The following FAM3C variants were observed in gnomAD, a reference collection of about 807,000 sequenced individuals.
FAM3C encodes the protein FAM3 metabolism regulating signaling molecule C.
In FAM3C, 15 loss-of-function variants were observed where a neutral mutation model predicts 32.5. That is an observed-to-expected ratio of 0.46 (90% confidence interval 0.31 to 0.71). The LOEUF (loss-of-function observed/expected upper bound fraction) is 0.71. FAM3C is among the 30% of genes least tolerant of loss of function. The probability of loss-of-function intolerance (pLI) is 0.05; values close to 1 mark genes in which losing one functional copy is unlikely to be tolerated. For synonymous variants in FAM3C, 75 were observed against 86.1 expected (o/e 0.87, Z 0.72); for missense variants, 175 against 274.4 (o/e 0.64, Z 2.56).
intron 1 of FAM3C, among the ~76,000 whole-genome samples, chr7:121,391,623 T>A (rs1411508795): frequency 3.9e-5 from 6 of 152,160 alleles, no homozygotes. Flanking sequence ...TTTGAAGTAG[T>A]CTGCAGAATT....
chr7:121,390,593 A>G (rs922540178), intron 1 of FAM3C, among the ~76,000 whole-genome samples: 31 of 152,138 alleles, frequency 2.0e-4, no homozygotes, highest in Non-Finnish European at 4.0e-4. Context: ...GTGGCGTCAT[A>G]GATTCAATGA....
intron 7 of FAM3C, among the ~76,000 whole-genome samples, chr7:121,361,378 C>T (rs1212253746): frequency 6.6e-6 from 1 of 152,190 alleles, no homozygotes; most frequent in Non-Finnish European, 1.5e-5. Flanking sequence ...AACAAGGCAG[C>T]TAACAAACTA....
chr7:121,366,273 A>C (rs1416892710), intron 5 of FAM3C, among the ~76,000 whole-genome samples: 1 of 152,208 alleles, frequency 6.6e-6, no homozygotes, highest in Non-Finnish European at 1.5e-5. Context: ...TATAGTTAAA[A>C]AGTGGAAACA....
At chr7:121,378,454 G>T (rs1484704269) in intron 3 of FAM3C, among the ~76,000 whole-genome samples, 1 of 152,050 alleles carries the variant, frequency 6.6e-6, no homozygotes, top group African/African-American at 2.4e-5. Flanking sequence ...TGAGTAGCTG[G>T]AATTACAGGT....
chr7:121,376,050 G>C (rs918110811), intron 3 of FAM3C, among the ~76,000 whole-genome samples: 1 of 152,174 alleles, frequency 6.6e-6, no homozygotes, highest in African/African-American at 2.4e-5. Flanking sequence ...AGTCCTCTAT[G>C]CCTTCAATAT....
At chr7:121,350,752 A>G (rs2116859356) in intron 9 of FAM3C, among the ~76,000 whole-genome samples, 1 of 152,340 alleles carries the variant, frequency 6.6e-6, no homozygotes. Context: ...GAAAGAATAC[A>G]TTGCACGTGC....
At chr7:121,363,706 A>G (rs1430575606) in intron 6 of FAM3C, among the ~76,000 whole-genome samples, 2 of 152,194 alleles carry the variant, frequency 1.3e-5, no homozygotes, top group African/African-American at 4.8e-5. Flanking sequence ...ACTTATTCAT[A>G]CTAATTAAGC....
rs188090313 is a variant in FAM3C, at chr7:121,372,919, A to T, written c.119-780T>A. On this transcript the variant is annotated intron_variant, in intron 3 of 9. Transcript: ENST00000359943. ...ATAATTGTGAACTTCCTGTAGGTCCAATACTCCAACTAGTAAGCTGAAAGT... is the reference window on the plus strand; with the variant it reads ...ATAATTGTGAACTTCCTGTAGGTCCTATACTCCAACTAGTAAGCTGAAAGT... Among the ~76,000 whole-genome samples, 207 of 152,348 alleles carry T rather than the reference A, an allele frequency of 1.4e-3. 1 individual carries two copies. The Middle Eastern group carries it at 0.014, about 10-fold the overall frequency.
intron 3 of FAM3C, among the ~76,000 whole-genome samples, chr7:121,373,817 TCGAGAC>T (rs1457948522): frequency 6.6e-6 from 1 of 151,032 alleles, no homozygotes; most frequent in Admixed American, 6.6e-5. Flanking sequence ...GGTCAGGAGA[TCGAGAC>T]CATCCTGGCT....
chr7:121,353,083 C>G (rs569277443), intron 8 of FAM3C, among the ~76,000 whole-genome samples: 26 of 152,246 alleles, frequency 1.7e-4, no homozygotes, highest in Non-Finnish European at 3.7e-4. Flanking sequence ...CCTCACAGGC[C>G]TTTAGGGTGG....
chr7:121,383,919 C>A (rs1794412158), intron 1 of FAM3C, among the ~76,000 whole-genome samples: 2 of 152,054 alleles, frequency 1.3e-5, no homozygotes. Flanking sequence ...CAGTACATAT[C>A]TATTTTAGAT....
At position 121,363,909 on chromosome 7, in the gene FAM3C, T is replaced by C. The variant is rs543486059; in HGVS notation, c.331+221A>G. Reference sequence around the variant, plus strand: ...GACTGCTTGGTTTCTGACAATCTCATGGAAGCTCTTGCATAGCAAGTTAGG... The same window carrying C: ...GACTGCTTGGTTTCTGACAATCTCACGGAAGCTCTTGCATAGCAAGTTAGG... On this transcript the variant is annotated intron_variant, in intron 6 of 9. Transcript: ENST00000359943. Among the ~76,000 whole-genome samples, 20 of 152,278 alleles carry C rather than the reference T, an allele frequency of 1.3e-4. No individual in the cohort carries two copies. In the South Asian group the frequency reaches 4.1e-3, roughly 32 times the overall value.
At chr7:121,369,878 C>CT (rs1453003492) in intron 5 of FAM3C, among the ~76,000 whole-genome samples, 1 of 152,084 alleles carries the variant, frequency 6.6e-6, no homozygotes, top group South Asian at 2.1e-4. Flanking sequence ...AACAGTTGAG[C>CT]TTTTTTTCTG....
intron 8 of FAM3C, among the ~76,000 whole-genome samples, chr7:121,352,451 A>G (rs1264382783): frequency 2.0e-5 from 3 of 152,208 alleles, no homozygotes; most frequent in Admixed American, 1.3e-4. Context: ...GTCCACCTGG[A>G]GGAAGTTCAC....
At chr7:121,363,664 A>G (rs577946405) in intron 6 of FAM3C, among the ~76,000 whole-genome samples, 2 of 152,272 alleles carry the variant, frequency 1.3e-5, no homozygotes, top group African/African-American at 4.8e-5. Context: ...TTTGATTTTG[A>G]AGGAAAATTT....
intron 2 of FAM3C, among the ~76,000 whole-genome samples, chr7:121,382,253 T>C (rs1794372357): frequency 1.3e-5 from 2 of 152,136 alleles, no homozygotes; most frequent in South Asian, 4.1e-4. Context: ...TACCTTAATA[T>C]TATGAACATC....
chr7:121,386,674 T>TACAC (rs749771631), intron 1 of FAM3C, among the ~76,000 whole-genome samples: 3 of 141,014 alleles, frequency 2.1e-5, no homozygotes, highest in Non-Finnish European at 4.6e-5. Context: ...TATCTATACA[T>TACAC]ACACACACAC....
At position 121,349,166 on chromosome 7, in the gene FAM3C, CAGCT is replaced by C. The variant is rs1187876724; in HGVS notation, c.*1291_*1294del. On this transcript the variant is annotated 3_prime_UTR_variant, in exon 10 of 10. Coordinates refer to ENST00000359943, the MANE Select transcript of FAM3C (RefSeq NM_014888.3). ...TCCGAATAGCTTCCAACTTGGTTTA[CAGCT>C]AAATAACAGATACTGCTTTTAGGTT... 1.3e-5 allele frequency: 2 copies of C among 152,496 alleles called. No individual in the cohort carries two copies. Among genetic ancestry groups the C allele is most frequent in the Admixed American group, 6.6e-5 (1 of 15,258 alleles). 9.4% of individuals were successfully genotyped at this position (152,496 alleles called of 1,614,324 possible).
intron 8 of FAM3C, among the ~76,000 whole-genome samples, chr7:121,357,720 T>G (rs1017701271): frequency 6.6e-6 from 1 of 152,298 alleles, no homozygotes; most frequent in East Asian, 1.9e-4. Context: ...AATTAAAGTT[T>G]AGATTTTTCC....
Sources: allele counts gnomAD v4.1 joint callset (sites outside exome capture counted in the v4.1 genomes callset), GRCh38; gene constraint gnomAD v4.1.1; transcripts MANE v1.5; gene names NCBI Gene and HGNC (gene_info 2026-07-23, HGNC 2026-07-21).